The following FBXL13 variants were observed in gnomAD, a reference collection of about 807,000 sequenced individuals.
The protein encoded by FBXL13 is F-box and leucine rich repeat protein 13, also known as F-box and leucine-rich repeat protein 13.
FBXL13 carries 67 observed loss-of-function variants against 83.6 expected under a neutral mutation model. The ratio of observed to expected loss-of-function variants is 0.80; its 90% CI spans 0.66 to 0.98. The LOEUF is 0.98. FBXL13 is among the 50% of genes least tolerant of loss of function. The probability of loss-of-function intolerance (pLI) is 0.00; values close to 1 mark genes in which losing one functional copy is unlikely to be tolerated. For missense variants in FBXL13, 822 were observed against 866.5 expected, an observed-to-expected ratio of 0.95 and a Z score of 0.64; for synonymous variants, 272 against 299.5, an observed-to-expected ratio of 0.91 and a Z score of 0.95.
At chr7:102,950,508 G>T (rs765179093) in intron 8 of FBXL13, among the ~76,000 whole-genome samples, 1 of 152,150 alleles carries the variant, frequency 6.6e-6, no homozygotes, top group Non-Finnish European at 1.5e-5. Flanking sequence ...ATGTTCCTTG[G>T]TATCTACCCA....
intron 6 of FBXL13, among the ~76,000 whole-genome samples, chr7:102,990,137 G>A (rs1045967405): frequency 2.0e-5 from 3 of 152,232 alleles, no homozygotes; most frequent in African/African-American, 7.2e-5. Flanking sequence ...GCCGACACCA[G>A]AGAGTGGTGG....
intron 16 of FBXL13, among the ~76,000 whole-genome samples, chr7:102,877,196 A>T (rs1287676020): frequency 1.3e-5 from 2 of 152,200 alleles, no homozygotes; most frequent in Non-Finnish European, 2.9e-5. Flanking sequence ...AACTTCTGTA[A>T]TGAAACAAAT....
rs547192006 is a variant in FBXL13 at position 102,937,884 on chromosome 7, T to G, written c.725-5951A>C. On this transcript the variant is annotated intron_variant, in intron 8 of 19. Coordinates refer to ENST00000313221, the Ensembl canonical transcript of FBXL13. Reference sequence around the variant, plus strand: ...ATATACATGGTCACACATAGAGAACTTGCATACAGATTCCCCAACTCGGAG... The same window carrying G: ...ATATACATGGTCACACATAGAGAACGTGCATACAGATTCCCCAACTCGGAG... Among the ~76,000 whole-genome samples, 8 of 152,314 alleles carry G rather than the reference T, an allele frequency of 5.3e-5. No individual in the cohort carries two copies. The South Asian group carries it at 1.4e-3, about 28-fold the overall frequency.
chr7:102,816,876 C>G (rs1455049536), intron 19 of FBXL13, among the ~76,000 whole-genome samples: 1 of 152,190 alleles, frequency 6.6e-6, no homozygotes, highest in Non-Finnish European at 1.5e-5. Context: ...TTCTGTTTCT[C>G]TGTTAATTCA....
At chr7:102,938,675 T>A (rs1371212628) in intron 8 of FBXL13, among the ~76,000 whole-genome samples, 3 of 152,232 alleles carry the variant, frequency 2.0e-5, no homozygotes, top group African/African-American at 4.8e-5. Flanking sequence ...TCTGGGGAAA[T>A]GTATATTTAT....
intron 8 of FBXL13, among the ~76,000 whole-genome samples, chr7:102,935,443 T>A (rs1449514610): frequency 1.3e-5 from 2 of 151,970 alleles, no homozygotes; most frequent in Non-Finnish European, 2.9e-5. Flanking sequence ...TTACCCAGAA[T>A]AAAACAATAA....
intron 16 of FBXL13, among the ~76,000 whole-genome samples, chr7:102,864,312 G>C (rs957044228): frequency 6.6e-6 from 1 of 152,020 alleles, no homozygotes; most frequent in African/African-American, 2.4e-5. Context: ...GCTTTCAGCT[G>C]CATCCCAAAA....
At chr7:103,041,257 C>T (rs1249804148) in intron 2 of FBXL13, among the ~76,000 whole-genome samples, 1 of 151,890 alleles carries the variant, frequency 6.6e-6, no homozygotes. Context: ...ACACATACAC[C>T]CTCCCAAGAC....
intron 2 of FBXL13, among the ~76,000 whole-genome samples, chr7:103,032,826 T>TA (rs1794644145): frequency 6.6e-6 from 1 of 152,130 alleles, no homozygotes; most frequent in Non-Finnish European, 1.5e-5. Flanking sequence ...GCTCACGACT[T>TA]AAAGAGTAGC....
chr7:102,996,318 A>T (rs1383122278), intron 6 of FBXL13, among the ~76,000 whole-genome samples: 6 of 152,076 alleles, frequency 3.9e-5, no homozygotes, highest in African/African-American at 1.4e-4. Flanking sequence ...TTGTTCTCTG[A>T]ATTGTTCACC....
chr7:103,021,855 A>G (rs1793216380), intron 6 of FBXL13, among the ~76,000 whole-genome samples: 1 of 152,200 alleles, frequency 6.6e-6, no homozygotes, highest in South Asian at 2.1e-4. Context: ...GATGTGGAGA[A>G]ATAGTAACAC....
chr7:103,045,769 A>G (rs1796211940), intron 2 of FBXL13, among the ~76,000 whole-genome samples: 1 of 152,240 alleles, frequency 6.6e-6, no homozygotes, highest in South Asian at 2.1e-4. Context: ...CTTTGTTTAA[A>G]AAAGATTCCC....
intron 11 of FBXL13, among the ~76,000 whole-genome samples, chr7:102,904,494 T>A (rs1344048456): frequency 6.6e-6 from 1 of 152,084 alleles, no homozygotes; most frequent in Non-Finnish European, 1.5e-5. Context: ...TTTTTCTTAA[T>A]CTTGCTAAAC....
In FBXL13 at chr7:102,883,602, A is replaced by G. The variant is rs1223356152; in HGVS notation, c.1191T>C (p.Leu397=). Residue 397 remains leucine, a synonymous_variant, in exon 13 of 20, where the codon CTT becomes CTC. Transcript: ENST00000313221. Reference sequence around the variant, plus strand: ...GGATCTTTCTGAGTTTACAAGCAGAAAGAGCTCTGAAAGTACAATCGGAGA... The same window carrying G: ...GGATCTTTCTGAGTTTACAAGCAGAGAGAGCTCTGAAAGTACAATCGGAGA... 1.9e-6 allele frequency: 3 copies of G among 1,611,898 alleles called. 1 individual carries two copies. The Admixed American group carries it at 5.0e-5, about 27-fold the overall frequency.
chr7:102,972,571 C>T (rs894807059), intron 6 of FBXL13, among the ~76,000 whole-genome samples: 5 of 152,038 alleles, frequency 3.3e-5, no homozygotes, highest in South Asian at 2.1e-4. Flanking sequence ...GTAATGGGTG[C>T]GCTAAAATCT....
intron 2 of FBXL13, among the ~76,000 whole-genome samples, chr7:103,044,531 A>C (rs558969880): frequency 6.6e-6 from 1 of 152,154 alleles, no homozygotes; most frequent in Non-Finnish European, 1.5e-5. Flanking sequence ...GTATAATATA[A>C]TTTCTGGGAT....
At chr7:102,909,702 A>C (rs922844970) in intron 11 of FBXL13, among the ~76,000 whole-genome samples, 1 of 152,116 alleles carries the variant, frequency 6.6e-6, no homozygotes, top group Non-Finnish European at 1.5e-5. Context: ...AGAACCTGGA[A>C]CGAGGGCCTT....
At chr7:102,817,091 T>C (rs1798120905) in intron 19 of FBXL13, among the ~76,000 whole-genome samples, 1 of 152,220 alleles carries the variant, frequency 6.6e-6, no homozygotes, top group Non-Finnish European at 1.5e-5. Flanking sequence ...GTCTTTTTGA[T>C]AGAATTATTT....
intron 16 of FBXL13, among the ~76,000 whole-genome samples, chr7:102,877,144 T>A (rs1047527651): frequency 1.3e-5 from 2 of 152,130 alleles, no homozygotes; most frequent in East Asian, 3.9e-4. Flanking sequence ...GTAAGAAAAA[T>A]ATAGTTAAGC....
Sources: gnomAD v4.1 joint callset for allele counts (sites outside exome capture counted in the v4.1 genomes callset) on GRCh38, gnomAD v4.1.1 for gene constraint, MANE v1.5 for transcripts, NCBI Gene and HGNC (gene_info 2026-07-23, HGNC 2026-07-21) for gene names.